Variants in CPED1 observed in about 807,000 individuals in gnomAD.
CPED1 encodes the protein cadherin-like and PC-esterase domain-containing protein 1.
Under a neutral mutation model 128.2 loss-of-function variants are expected in CPED1, and 114 were observed. That is an observed-to-expected ratio of 0.89 (90% CI 0.76 to 1.04). The LOEUF is 1.04. Ranked by LOEUF, CPED1 falls within the 50% of genes least tolerant of loss-of-function variation. The pLI is 0.00. For missense variants in CPED1, 1,211 were observed against 1,207.1 expected, an observed-to-expected ratio of 1.00 and a Z score of -0.05; for synonymous variants, 462 against 426.7, an observed-to-expected ratio of 1.08 and a Z score of -1.02.
At chr7:121,131,142 C>G (rs1040627324) in intron 12 of CPED1, among the ~76,000 whole-genome samples, 2 of 152,198 alleles carry the variant, frequency 1.3e-5, no homozygotes, top group East Asian at 3.9e-4. Flanking sequence ...TATTGACTTA[C>G]ATTTCACTTC....
chr7:121,252,762 A>C (rs183348416), intron 18 of CPED1, among the ~76,000 whole-genome samples: 1 of 152,312 alleles, frequency 6.6e-6, no homozygotes, highest in East Asian at 1.9e-4. Context: ...AACCACAGTG[A>C]GATAGCATCT....
intron 16 of CPED1, among the ~76,000 whole-genome samples, chr7:121,169,712 A>G (rs1012017440): frequency 6.6e-6 from 1 of 152,232 alleles, no homozygotes; most frequent in Non-Finnish European, 1.5e-5. Flanking sequence ...ATCTGTGGCT[A>G]GTGAGTTCAG....
intron 16 of CPED1, among the ~76,000 whole-genome samples, chr7:121,207,343 G>T (rs1258270983): frequency 6.6e-6 from 1 of 151,950 alleles, no homozygotes; most frequent in African/African-American, 2.4e-5. Context: ...CAATGTATAA[G>T]TGTGCCTGTT....
chr7:121,283,919 G>A (rs1464400397), intron 22 of CPED1, among the ~76,000 whole-genome samples: 2 of 152,146 alleles, frequency 1.3e-5, no homozygotes, highest in African/African-American at 2.4e-5. Context: ...GAGTTATACT[G>A]TTTAGTGAAA....
intron 16 of CPED1, among the ~76,000 whole-genome samples, chr7:121,170,297 A>AGGTT (rs1332990571): frequency 6.6e-6 from 1 of 152,176 alleles, no homozygotes; most frequent in Non-Finnish European, 1.5e-5. Context: ...GGCTTTAAGC[A>AGGTT]GGTTGCCTGT....
chr7:121,038,852 G>A (rs1792970842), intron 3 of CPED1, among the ~76,000 whole-genome samples: 1 of 151,952 alleles, frequency 6.6e-6, no homozygotes. Context: ...TTAGACTAGA[G>A]TTATGGTTTG....
At chr7:121,262,931 GAACA>G (rs1201289370) in intron 18 of CPED1, among the ~76,000 whole-genome samples, 1 of 151,982 alleles carries the variant, frequency 6.6e-6, no homozygotes, top group African/African-American at 2.4e-5. Context: ...TTTTCCAACA[GAACA>G]ATCAATCTTA....
At chr7:121,219,416 T>A (rs1343874507) in intron 16 of CPED1, among the ~76,000 whole-genome samples, 1 of 152,038 alleles carries the variant, frequency 6.6e-6, no homozygotes, top group Non-Finnish European at 1.5e-5. Flanking sequence ...TTGAAGGCCA[T>A]TTAGGTTGAA....
At chr7:121,225,612 C>T (rs1441710155) in intron 16 of CPED1, among the ~76,000 whole-genome samples, 1 of 152,156 alleles carries the variant, frequency 6.6e-6, no homozygotes, top group South Asian at 2.1e-4. Context: ...CTTTCAGGTA[C>T]ACCAATCAAA....
chr7:121,061,248 CA>C, intron 4 of CPED1: 1 of 890,198 alleles, frequency 1.1e-6, no homozygotes, highest in Non-Finnish European at 1.3e-6. Flanking sequence ...TTCCCTTTTT[CA>C]AAAATTGATC....
chr7:121,160,209 A>G (rs1009209013), intron 16 of CPED1, among the ~76,000 whole-genome samples: 9 of 152,274 alleles, frequency 5.9e-5, no homozygotes, highest in African/African-American at 2.2e-4. Flanking sequence ...GCATCATTAC[A>G]TTACATCACT....
intron 16 of CPED1, among the ~76,000 whole-genome samples, chr7:121,158,085 G>C (rs555051609): frequency 2.1e-4 from 32 of 152,076 alleles, no homozygotes; most frequent in Admixed American, 6.6e-4. Context: ...TATCTCCAAG[G>C]ATGAGACCTA....
chr7:121,097,466 A>G (rs892581685), intron 5 of CPED1, among the ~76,000 whole-genome samples: 1 of 152,186 alleles, frequency 6.6e-6, no homozygotes, highest in Admixed American at 6.6e-5. Flanking sequence ...AAGAAAATGA[A>G]ATCAATTATT....
intron 3 of CPED1, among the ~76,000 whole-genome samples, chr7:121,027,979 C>T (rs748927818): frequency 1.2e-4 from 18 of 152,064 alleles, no homozygotes; most frequent in Non-Finnish European, 2.1e-4. Flanking sequence ...ACCTGACTAG[C>T]TCTATATTTT....
At chr7:121,204,738 T>G (rs962115633) in intron 16 of CPED1, among the ~76,000 whole-genome samples, 4 of 152,168 alleles carry the variant, frequency 2.6e-5, no homozygotes, top group African/African-American at 4.8e-5. Context: ...AAGCCCATGA[T>G]GCAGGTCAAG....
intron 16 of CPED1, among the ~76,000 whole-genome samples, chr7:121,236,292 G>A (rs1261352276): frequency 6.6e-6 from 1 of 151,996 alleles, no homozygotes; most frequent in Non-Finnish European, 1.5e-5. Flanking sequence ...ATTCCACTCT[G>A]GTGTATCATG....
chr7:121,036,408 T>C (rs1467434336), intron 3 of CPED1, among the ~76,000 whole-genome samples: 1 of 151,904 alleles, frequency 6.6e-6, no homozygotes, highest in African/African-American at 2.4e-5. Flanking sequence ...TTTAGAATAA[T>C]AGTCTCCCAG....
chr7:121,288,740 G>T (rs950034269), intron 22 of CPED1, among the ~76,000 whole-genome samples: 1 of 152,104 alleles, frequency 6.6e-6, no homozygotes, highest in African/African-American at 2.4e-5. Context: ...CAGTGGGATA[G>T]ACCCTTTTCT....
intron 16 of CPED1, among the ~76,000 whole-genome samples, chr7:121,187,556 C>A (rs1278718277): frequency 6.6e-6 from 1 of 152,042 alleles, no homozygotes; most frequent in Non-Finnish European, 1.5e-5. Context: ...GATCTAAGGG[C>A]ACCTCAGCCT....
Sources: gnomAD v4.1 joint callset for allele counts (sites outside exome capture counted in the v4.1 genomes callset) on GRCh38, gnomAD v4.1.1 for gene constraint, MANE v1.5 for transcripts, NCBI Gene and HGNC (gene_info 2026-07-23, HGNC 2026-07-21) for gene names.